The following PTPRK variants were observed in gnomAD, a reference collection of about 807,000 sequenced individuals.
PTPRK encodes the protein receptor-type tyrosine-protein phosphatase kappa.
In PTPRK, 75 loss-of-function variants were observed where a neutral mutation model predicts 178.0. The ratio of observed to expected loss-of-function variants is 0.42; its 90% CI spans 0.35 to 0.51. The LOEUF (loss-of-function observed/expected upper bound fraction) is 0.51, where lower values mean the gene tolerates loss of function less well. Ranked by LOEUF, PTPRK falls within the 20% of genes least tolerant of loss-of-function variation. The probability of loss-of-function intolerance (pLI) is 0.02; values close to 1 mark genes in which losing one functional copy is unlikely to be tolerated. For missense variants in PTPRK, 1,441 were observed against 1,797.8 expected (o/e 0.80, Z 3.59); for synonymous variants, 637 against 620.6 (o/e 1.03, Z -0.39).
At chr6:128,086,612 G>C (rs1170821030) in intron 8 of PTPRK, among the ~76,000 whole-genome samples, 1 of 152,070 alleles carries the variant, frequency 6.6e-6, no homozygotes, top group Non-Finnish European at 1.5e-5. Context: ...TAGTAACACT[G>C]ACTTAATCAG....
At chr6:128,430,238 A>G (rs1844657762) in intron 1 of PTPRK, among the ~76,000 whole-genome samples, 2 of 152,240 alleles carry the variant, frequency 1.3e-5, no homozygotes. Context: ...GACAGGAGAC[A>G]GATAGGGAGA....
chr6:128,318,747 C>T (rs546128174), intron 3 of PTPRK, among the ~76,000 whole-genome samples: 45 of 152,254 alleles, frequency 3.0e-4, no homozygotes, highest in African/African-American at 1.1e-3. Flanking sequence ...GAATACAAGA[C>T]AGGTCAGATT....
intron 3 of PTPRK, among the ~76,000 whole-genome samples, chr6:128,314,428 A>G (rs1436733806): frequency 6.6e-6 from 1 of 152,234 alleles, no homozygotes; most frequent in African/African-American, 2.4e-5. Context: ...AAGTCAGTAC[A>G]GCAGTCCTTC....
At chr6:128,430,593 A>G (rs937746034) in intron 1 of PTPRK, among the ~76,000 whole-genome samples, 1 of 152,224 alleles carries the variant, frequency 6.6e-6, no homozygotes, top group Admixed American at 6.5e-5. Context: ...CAGCTTATGC[A>G]CTTGCATGAG....
At chr6:128,041,897 T>C (rs1777242321) in intron 13 of PTPRK, among the ~76,000 whole-genome samples, 1 of 151,930 alleles carries the variant, frequency 6.6e-6, no homozygotes, top group South Asian at 2.1e-4. Flanking sequence ...AGTGTGTATA[T>C]ATAATATACA....
chr6:128,380,501 C>T (rs141567154), intron 2 of PTPRK, among the ~76,000 whole-genome samples: 80 of 150,772 alleles, frequency 5.3e-4, no homozygotes, highest in African/African-American at 1.9e-3. Flanking sequence ...GTGTCTAATA[C>T]ATTCTTGGAA....
chr6:128,269,847 A>G (rs1329964973), intron 3 of PTPRK, among the ~76,000 whole-genome samples: 1 of 152,130 alleles, frequency 6.6e-6, no homozygotes, highest in Non-Finnish European at 1.5e-5. Context: ...CAACAACAAC[A>G]TTTCCTAAAA....
At chr6:128,110,000 G>A (rs1790380316) in intron 7 of PTPRK, among the ~76,000 whole-genome samples, 1 of 151,912 alleles carries the variant, frequency 6.6e-6, no homozygotes, top group African/African-American at 2.4e-5. Context: ...GGAAATACTG[G>A]GCTTAAGCAA....
intron 7 of PTPRK, among the ~76,000 whole-genome samples, chr6:128,162,359 T>C (rs1798824697): frequency 1.3e-5 from 2 of 151,688 alleles, no homozygotes; most frequent in South Asian, 2.1e-4. Context: ...CGTGTGTTTA[T>C]ACATTTGTGC....
At chr6:128,433,513 G>C (rs1308541422) in intron 1 of PTPRK, among the ~76,000 whole-genome samples, 2 of 151,132 alleles carry the variant, frequency 1.3e-5, no homozygotes, top group Non-Finnish European at 2.9e-5. Context: ...TTGTTTGTTT[G>C]TTTGTTTGTT....
At chr6:128,387,317 A>G (rs1838882793) in intron 2 of PTPRK, among the ~76,000 whole-genome samples, 1 of 152,208 alleles carries the variant, frequency 6.6e-6, no homozygotes. Context: ...ACTCTGTGAG[A>G]AAAGACTTAA....
At chr6:128,217,418 A>G (rs1289352790) in intron 6 of PTPRK, among the ~76,000 whole-genome samples, 1 of 152,170 alleles carries the variant, frequency 6.6e-6, no homozygotes, top group Non-Finnish European at 1.5e-5. Context: ...ATCATCCAAT[A>G]ATGGTAATGC....
chr6:128,101,771 T>C (rs1788828471), intron 7 of PTPRK, among the ~76,000 whole-genome samples: 1 of 152,152 alleles, frequency 6.6e-6, no homozygotes, highest in Non-Finnish European at 1.5e-5. Context: ...CCTGCCAATG[T>C]ATTCATCTGC....
intron 7 of PTPRK, among the ~76,000 whole-genome samples, chr6:128,115,292 C>T (rs1791317049): frequency 1.3e-5 from 2 of 152,134 alleles, no homozygotes; most frequent in African/African-American, 4.8e-5. Context: ...GTAGGACATT[C>T]AGAAGCAATG....
At chr6:128,081,395 C>A (rs1370530720) in intron 10 of PTPRK, among the ~76,000 whole-genome samples, 1 of 151,836 alleles carries the variant, frequency 6.6e-6, no homozygotes, top group South Asian at 2.1e-4. Flanking sequence ...TAATTTTATT[C>A]ATGATACAAA....
In PTPRK at chr6:127,985,235, T is replaced by C. The variant is rs188915394; in HGVS notation, c.3251+486A>G. Among the ~76,000 whole-genome samples the C allele has an allele frequency of 3.0e-3, 462 of 152,340 alleles. 9 individuals are homozygous for C. The highest frequency in any genetic ancestry group is 0.026 in the South Asian group (124 of 4,828). On this transcript the variant is annotated intron_variant, in intron 22 of 29. Transcript: ENST00000368226. ...TTGCTGAATCTCACTGATGCAGTTT[T>C]CAAGGTCCTCTAATGTGAATTCTTT...
chr6:128,299,565 C>T (rs893592774), intron 3 of PTPRK, among the ~76,000 whole-genome samples: 32 of 151,300 alleles, frequency 2.1e-4, no homozygotes, highest in Non-Finnish European at 3.8e-4. Flanking sequence ...AGAAATAATG[C>T]CGCATATCTA....
chr6:128,467,552 C>T (rs1850029854), intron 1 of PTPRK, among the ~76,000 whole-genome samples: 1 of 152,188 alleles, frequency 6.6e-6, no homozygotes, highest in South Asian at 2.1e-4. Flanking sequence ...CAACGCGAAG[C>T]ATGTTTGCAG....
In PTPRK at chr6:128,089,950, T is replaced by C; in HGVS notation, c.1205A>G (p.Gln402Arg). 6.2e-7 allele frequency: 1 copy of C among 1,611,408 alleles called. No homozygotes were observed. Among genetic ancestry groups the C allele is most frequent in the Non-Finnish European group, 8.5e-7 (1 of 1,177,538 alleles). Residue 402 changes from glutamine (Q) to arginine (R), a missense_variant, in exon 8 of 30, where the codon CAG becomes CGG. Around this residue, in one of 4 missense-constraint regions of PTPRK, gnomAD observed 945 missense variants for 1,080.6 expected, o/e 0.87. Transcript: ENST00000368226. ...CCAGTCCACAGCAATCCGTCTTGCC[T>C]GTATTTCAGCAATCTTTAATGTCTT... ...TPKTLKIAEI[Q>R]ARRIAVDWES... is the part of the protein sequence containing the mutation.
Sources: gnomAD v4.1 joint callset for allele counts (sites outside exome capture counted in the v4.1 genomes callset) on GRCh38, gnomAD v4.1.1 for gene constraint, gnomAD v4.1.1 regional missense constraint, MANE v1.5 for transcripts, NCBI Gene and HGNC (gene_info 2026-07-23, HGNC 2026-07-21) for gene names.